Variants in BTLA observed in about 807,000 individuals in gnomAD.
The protein encoded by BTLA is B- and T-lymphocyte attenuator.
BTLA carries 11 observed loss-of-function variants against 25.0 expected under a neutral mutation model. The ratio of observed to expected loss-of-function variants is 0.44; its 90% CI spans 0.28 to 0.73. The LOEUF (loss-of-function observed/expected upper bound fraction) is 0.73. BTLA is among the 30% of genes least tolerant of loss of function. The pLI, the probability that BTLA is intolerant of heterozygous loss-of-function variation, is 0.15. For missense variants in BTLA, 282 were observed against 332.8 expected (o/e 0.85, Z 1.19); for synonymous variants, 104 against 119.8 (o/e 0.87, Z 0.86).
chr3:112,470,128 C>G (rs1282294542), intron 3 of BTLA: 1 of 198,934 alleles, frequency 5.0e-6, no homozygotes, highest in African/African-American at 2.3e-5. Flanking sequence ...GTCCTGTCAC[C>G]TATGTAGCCA....
intron 1 of BTLA, among the ~76,000 whole-genome samples, chr3:112,488,771 G>C (rs1012409761): frequency 6.6e-6 from 1 of 152,036 alleles, no homozygotes; most frequent in African/African-American, 2.4e-5. Context: ...CTGCCACTGC[G>C]CCCGGGGAAT....
intron 1 of BTLA, among the ~76,000 whole-genome samples, chr3:112,491,961 C>T (rs2082383062): frequency 1.3e-5 from 2 of 152,164 alleles, no homozygotes; most frequent in South Asian, 4.1e-4. Flanking sequence ...GGAGAGGAAA[C>T]TCTACAGAAA....
At chr3:112,469,088 C>T (rs1231440638) in intron 4 of BTLA, among the ~76,000 whole-genome samples, 8 of 152,138 alleles carry the variant, frequency 5.3e-5, no homozygotes. Flanking sequence ...AAATATATTG[C>T]CTCATCTTGC....
At chr3:112,495,692 C>A (rs2082405652) in intron 1 of BTLA, among the ~76,000 whole-genome samples, 1 of 152,164 alleles carries the variant, frequency 6.6e-6, no homozygotes, top group African/African-American at 2.4e-5. Flanking sequence ...CCTCCATATG[C>A]ACATTTCAAT....
chr3:112,479,959 T>C (rs114162785), intron 1 of BTLA, among the ~76,000 whole-genome samples, 190 bp from the exon 2 acceptor site: 282 of 152,178 alleles, frequency 1.9e-3, no homozygotes, highest in African/African-American at 6.2e-3. Flanking sequence ...AAAAATGAAA[T>C]AAATCATTTA....
intron 4 of BTLA, among the ~76,000 whole-genome samples, chr3:112,466,958 C>CTT (rs869038641): frequency 1.5e-4 from 6 of 40,814 alleles, no homozygotes; most frequent in African/African-American, 2.4e-4. Context: ...GAAAATTCTT[C>CTT]TTTTTTTTTT....
chr3:112,472,372 A>G (rs2082267488), intron 2 of BTLA, among the ~76,000 whole-genome samples: 1 of 151,948 alleles, frequency 6.6e-6, no homozygotes, highest in Non-Finnish European at 1.5e-5. Flanking sequence ...ATTTTGGGTT[A>G]CAGTTAACAC....
At chr3:112,498,409 G>A (rs1243329276) in intron 1 of BTLA, among the ~76,000 whole-genome samples, 1 of 151,884 alleles carries the variant, frequency 6.6e-6, no homozygotes, top group South Asian at 2.1e-4. Flanking sequence ...CTCCAGCCTG[G>A]GTGACGAGAG....
intron 2 of BTLA, among the ~76,000 whole-genome samples, 197 bp downstream of exon 2, chr3:112,479,258 C>T (rs144920578): frequency 2.0e-5 from 3 of 152,152 alleles, no homozygotes; most frequent in African/African-American, 2.4e-5. Flanking sequence ...CTCTACTCTC[C>T]TCTATCTCAC....
At chr3:112,491,492 G>A (rs2082379714) in intron 1 of BTLA, among the ~76,000 whole-genome samples, 6 of 152,222 alleles carry the variant, frequency 3.9e-5, no homozygotes, top group Middle Eastern at 3.4e-3. Flanking sequence ...TGAGGAAACT[G>A]GGTATTAGAG....
chr3:112,481,593 C>T (rs1032143710), intron 1 of BTLA, among the ~76,000 whole-genome samples: 1 of 152,218 alleles, frequency 6.6e-6, no homozygotes, highest in African/African-American at 2.4e-5. Context: ...GAGCTCTGAG[C>T]CTATGATGGG....
At chr3:112,485,082 T>C (rs1202047451) in intron 1 of BTLA, among the ~76,000 whole-genome samples, 2 of 152,210 alleles carry the variant, frequency 1.3e-5, no homozygotes, top group South Asian at 4.1e-4. Flanking sequence ...CTCGCTCTTG[T>C]TGCCCAGGCT....
At position 112,499,343 on chromosome 3, in the gene BTLA, C is replaced by G. The variant is rs2082428974; in HGVS notation, c.16G>C (p.Ala6Pro). The part of the protein sequence containing the change: MKTLP[A>P]MLGTGKLFWV... ...AATAATTTCCCAGTTCCAAGCATGG[C>G]AGGCAATGTCTTCATTTCCTGCACA... Residue 6 changes from alanine to proline, a missense_variant, in exon 1 of 5, where the codon GCC becomes CCC. By Grantham distance (27) the Ala-to-Pro change is conservative. Transcript: ENST00000334529. The G allele has an allele frequency of 1.9e-6, 3 of 1,613,510 alleles. No individual in the cohort carries two copies. Among genetic ancestry groups the G allele is most frequent in the Non-Finnish European group, 2.5e-6 (3 of 1,179,844 alleles).
intron 1 of BTLA, among the ~76,000 whole-genome samples, chr3:112,487,406 G>A (rs1013414025): frequency 2.0e-5 from 3 of 152,254 alleles, no homozygotes; most frequent in Non-Finnish European, 4.4e-5. Context: ...CCAACATGGA[G>A]AAACCCTGTC....
intron 4 of BTLA, among the ~76,000 whole-genome samples, chr3:112,468,165 A>G (rs2082240323): frequency 6.6e-6 from 1 of 152,232 alleles, no homozygotes; most frequent in Admixed American, 6.5e-5. Flanking sequence ...TATTTATAGT[A>G]TATGTTTAGA....
chr3:112,495,364 A>G (rs966938836), intron 1 of BTLA, among the ~76,000 whole-genome samples: 1 of 152,232 alleles, frequency 6.6e-6, no homozygotes, highest in African/African-American at 2.4e-5. Flanking sequence ...TCTGAACTCT[A>G]CATAAAGATG....
chr3:112,484,025 GC>G (rs1413565496), intron 1 of BTLA, among the ~76,000 whole-genome samples: 1 of 152,058 alleles, frequency 6.6e-6, no homozygotes, highest in Non-Finnish European at 1.5e-5. Context: ...GTTAACTTCA[GC>G]CGGGGCAAAG....
Position 112,466,249 on chromosome 3 carries a change from A to G in BTLA, c.729T>C (p.Tyr243=). The change falls in exon 5 of 5, where the codon TAT becomes TAC. Residue 243 remains tyrosine, a synonymous_variant. Transcript: ENST00000334529. ...TGTTTTCTTCCAGGCATGGATTAGAATAAACTTCAGACCCTTCCTGCATCC... is the reference window on the plus strand; with the variant it reads ...TGTTTTCTTCCAGGCATGGATTAGAGTAAACTTCAGACCCTTCCTGCATCC... The part of the protein sequence containing the change: ...CFRMQEGSEV[Y]SNPCLEENKP... The G allele has an allele frequency of 6.2e-7, 1 of 1,614,176 alleles. No homozygotes were observed. Among genetic ancestry groups the G allele is most frequent in the Non-Finnish European group, 8.5e-7 (1 of 1,180,000 alleles).
upstream of BTLA, chr3:112,499,608 G>A: frequency 2.4e-6 from 1 of 412,988 alleles, no homozygotes; most frequent in Middle Eastern, 6.3e-4. Context: ...CAGGTTGGCT[G>A]TTCACTTTCA....
Sources: allele counts gnomAD v4.1 joint callset (sites outside exome capture counted in the v4.1 genomes callset), GRCh38; gene constraint gnomAD v4.1.1; transcripts MANE v1.5; gene names NCBI Gene and HGNC (gene_info 2026-07-23, HGNC 2026-07-21).